Variants in LRP1B observed in about 807,000 individuals in gnomAD.
LRP1B encodes the protein low-density lipoprotein receptor-related protein 1B.
Under a neutral mutation model 556.6 loss-of-function variants are expected in LRP1B, and 217 were observed. That is an observed-to-expected ratio of 0.39 (90% CI 0.35 to 0.44). The LOEUF is 0.44. Among genes scored for constraint, LRP1B ranks in the 20% least tolerant of loss-of-function variants. The pLI is 1.00. For missense variants in LRP1B, 5,053 were observed against 5,620.8 expected (o/e 0.90, Z 3.23); for synonymous variants, 2,047 against 1,865.8 (o/e 1.10, Z -2.50).
At chr2:140,853,679 T>C (rs1204277801) in intron 27 of LRP1B, among the ~76,000 whole-genome samples, 1 of 74,278 alleles carries the variant, frequency 1.3e-5, no homozygotes, top group Non-Finnish European at 3.2e-5. Context: ...TTTGTATTTG[T>C]TAAAAACAAT....
chr2:142,021,108 T>G (rs1433199624), intron 1 of LRP1B, among the ~76,000 whole-genome samples: 1 of 152,170 alleles, frequency 6.6e-6, no homozygotes, highest in African/African-American at 2.4e-5. Flanking sequence ...GAAGAAAACA[T>G]ATGTTCTCCC....
intron 6 of LRP1B, among the ~76,000 whole-genome samples, chr2:141,216,251 A>G (rs1203051250): frequency 6.6e-6 from 1 of 152,196 alleles, no homozygotes; most frequent in Non-Finnish European, 1.5e-5. Context: ...TCGAACTGCC[A>G]CTTTGGAGAA....
chr2:140,282,748 A>G (rs1682967679), intron 84 of LRP1B, among the ~76,000 whole-genome samples: 1 of 151,796 alleles, frequency 6.6e-6, no homozygotes, highest in African/African-American at 2.4e-5. Context: ...CAAATGTCAG[A>G]TGTTATCCAC....
At chr2:140,801,329 A>AT (rs1690502505) in intron 32 of LRP1B, among the ~76,000 whole-genome samples, 1 of 152,200 alleles carries the variant, frequency 6.6e-6, no homozygotes, top group Non-Finnish European at 1.5e-5. Context: ...TGTTTCACCC[A>AT]TTAGGGCAGC....
intron 32 of LRP1B, among the ~76,000 whole-genome samples, chr2:140,803,113 C>T (rs762133773): frequency 5.9e-5 from 9 of 152,186 alleles, no homozygotes; most frequent in African/African-American, 1.7e-4. Flanking sequence ...ATGATTTGCA[C>T]GGATCAGTTT....
intron 2 of LRP1B, among the ~76,000 whole-genome samples, chr2:141,567,621 T>C (rs1015652828): frequency 5.3e-5 from 8 of 151,990 alleles, no homozygotes; most frequent in African/African-American, 1.9e-4. Flanking sequence ...GATGAGAAAT[T>C]AGGTGATGAC....
intron 2 of LRP1B, among the ~76,000 whole-genome samples, chr2:141,611,162 G>A (rs535025918): frequency 1.2e-4 from 18 of 152,324 alleles, no homozygotes; most frequent in Admixed American, 3.9e-4. Context: ...TCTTTTAACC[G>A]TGGTTTCCCA....
chr2:140,621,396 A>G (rs953266888), intron 41 of LRP1B, among the ~76,000 whole-genome samples: 1 of 151,464 alleles, frequency 6.6e-6, no homozygotes, highest in African/African-American at 2.4e-5. Flanking sequence ...AAAAAAAAAA[A>G]AAAAGAAAAG....
chr2:140,819,181 C>T (rs529257500), intron 31 of LRP1B, among the ~76,000 whole-genome samples: 60 of 151,920 alleles, frequency 3.9e-4, no homozygotes, highest in African/African-American at 1.4e-3. Context: ...TAAATGTTAG[C>T]TATATTTATG....
chr2:141,996,822 A>C (rs1702505833), intron 1 of LRP1B, among the ~76,000 whole-genome samples: 1 of 152,162 alleles, frequency 6.6e-6, no homozygotes, highest in African/African-American at 2.4e-5. Context: ...TGAAAAATAA[A>C]TTACTATTTA....
At chr2:140,930,074 G>A (rs940380017) in intron 20 of LRP1B, among the ~76,000 whole-genome samples, 81 of 152,090 alleles carry the variant, frequency 5.3e-4, no homozygotes, top group African/African-American at 1.6e-3. Flanking sequence ...GTTCCAAGCC[G>A]GTATGGTTCC....
At chr2:141,881,282 T>C (rs565061502) in intron 1 of LRP1B, among the ~76,000 whole-genome samples, 1 of 152,264 alleles carries the variant, frequency 6.6e-6, no homozygotes, top group South Asian at 2.1e-4. Context: ...GTGGGTTTAA[T>C]GTATTATTTA....
At chr2:141,714,569 T>TATAAATCAATAA (rs1329517947) in intron 2 of LRP1B, among the ~76,000 whole-genome samples, 1 of 151,892 alleles carries the variant, frequency 6.6e-6, no homozygotes, top group Non-Finnish European at 1.5e-5. Context: ...GATCTGAATG[T>TATAAATCAATAA]ACCTATTGAT....
chr2:141,483,394 G>A (rs1235889270), intron 2 of LRP1B, among the ~76,000 whole-genome samples: 1 of 137,130 alleles, frequency 7.3e-6, no homozygotes, highest in Non-Finnish European at 1.6e-5. Context: ...CCAAGTCTTT[G>A]CTATTGTGAA....
At chr2:141,765,310 C>T (rs1341412440) in intron 2 of LRP1B, among the ~76,000 whole-genome samples, 1 of 152,078 alleles carries the variant, frequency 6.6e-6, no homozygotes, top group Non-Finnish European at 1.5e-5. Flanking sequence ...GAATTATAAT[C>T]TTCTGAATAT....
At chr2:140,278,378 T>C (rs1682774048) in intron 84 of LRP1B, among the ~76,000 whole-genome samples, 1 of 152,064 alleles carries the variant, frequency 6.6e-6, no homozygotes, top group Non-Finnish European at 1.5e-5. Flanking sequence ...CAGAGAATGC[T>C]TTTTCTTTTT....
chr2:141,406,245 TA>T (rs1690629155), intron 3 of LRP1B, among the ~76,000 whole-genome samples: 1 of 152,104 alleles, frequency 6.6e-6, no homozygotes, highest in Admixed American at 6.6e-5. Context: ...CAAGAGAAGT[TA>T]TTTTTATAAT....
At chr2:141,130,789 G>C (rs1374790898) in intron 7 of LRP1B, among the ~76,000 whole-genome samples, 3 of 152,084 alleles carry the variant, frequency 2.0e-5, no homozygotes, top group African/African-American at 7.2e-5. Flanking sequence ...ATCTATCAGT[G>C]AAAGACTGGA....
At chr2:140,485,283 T>C (rs761743704) in intron 59 of LRP1B, 60 bp downstream of exon 59, 1 of 1,353,346 alleles carries the variant, frequency 7.4e-7, no homozygotes, top group South Asian at 1.4e-5. Flanking sequence ...TAGTACTAGA[T>C]TTACTACTAT....
Sources: gnomAD v4.1 joint callset for allele counts (sites outside exome capture counted in the v4.1 genomes callset) on GRCh38, gnomAD v4.1.1 for gene constraint, MANE v1.5 for transcripts, NCBI Gene and HGNC (gene_info 2026-07-23, HGNC 2026-07-21) for gene names.